The following AGTPBP1 variants were observed in gnomAD, a reference collection of about 807,000 sequenced individuals.
AGTPBP1 encodes cytosolic carboxypeptidase 1.
In AGTPBP1, 70 loss-of-function variants were observed where a neutral mutation model predicts 143.9. The observed-to-expected ratio is 0.49, with a 90% CI of 0.40 to 0.59. AGTPBP1 has a LOEUF of 0.59. AGTPBP1 is among the 20% of genes least tolerant of loss of function. The pLI, the probability that AGTPBP1 is intolerant of heterozygous loss-of-function variation, is 0.00. For synonymous variants in AGTPBP1, 463 were observed against 500.2 expected, an observed-to-expected ratio of 0.93 and a Z score of 0.99; for missense variants, 1,229 against 1,464.5, an observed-to-expected ratio of 0.84 and a Z score of 2.62.
chr9:85,619,090 T>C lies in AGTPBP1; in HGVS notation c.2228A>G (p.Asn743Ser), dbSNP rs374044446. The C allele has an allele frequency of 2.4e-5, 38 of 1,613,586 alleles. No individual in the cohort carries two copies. Among genetic ancestry groups the C allele is most frequent in the Admixed American group, 3.3e-5 (2 of 59,990 alleles). Residue 743 changes from asparagine (N) to serine (S), a missense_variant, in exon 17 of 26, where the codon AAT (asparagine) becomes AGT (serine). Around this residue, in one of 2 missense-constraint regions of AGTPBP1, gnomAD observed 486 missense variants for 652.3 expected, o/e 0.75. Transcript: ENST00000357081. ...AAAGTAAAACCACTGATGATAATGA[T>C]TGCTGTTTATGTCTGAGTTCAGAAT... ...DLILNSDINS[N>S]HYHQWFYFEV...
chr9:85,682,172 T>TTAAAA (rs1231973645), intron 3 of AGTPBP1, among the ~76,000 whole-genome samples: 2 of 85,826 alleles, frequency 2.3e-5, no homozygotes, highest in Non-Finnish European at 4.5e-5. Flanking sequence ...TAGGATTGGT[T>TTAAAA]AAAAAAAAAA....
At chr9:85,669,651 A>G (rs879658296) in intron 7 of AGTPBP1, 73 bp from the exon 8 acceptor site, 1 of 922,456 alleles carries the variant, frequency 1.1e-6, no homozygotes, top group African/African-American at 1.6e-5. Context: ...TTAGTGATAC[A>G]TAGGCAAAAA....
At chr9:85,577,507 G>T (rs1827972617) in intron 24 of AGTPBP1, among the ~76,000 whole-genome samples, 2 of 152,144 alleles carry the variant, frequency 1.3e-5, no homozygotes, top group Admixed American at 6.5e-5. Flanking sequence ...TGCTAAAGCT[G>T]CATTTTCTCT....
intron 2 of AGTPBP1, among the ~76,000 whole-genome samples, chr9:85,698,798 T>C (rs1836453582): frequency 6.9e-6 from 1 of 144,276 alleles, no homozygotes; most frequent in Non-Finnish European, 1.5e-5. Context: ...GTTCACGCCA[T>C]TCTCCTGCCT....
the AGTPBP1 span, among the ~76,000 whole-genome samples, chr9:85,773,056 G>A: frequency 1.3e-5 from 2 of 151,874 alleles, no homozygotes; most frequent in Non-Finnish European, 2.9e-5. Context: ...ACGAGGTCAG[G>A]AGATCGAGAC....
intron 15 of AGTPBP1, 91 bp downstream of exon 15, chr9:85,621,110 AT>A: frequency 3.0e-6 from 2 of 659,062 alleles, no homozygotes; most frequent in South Asian, 3.2e-5. Flanking sequence ...AACTACCAAC[AT>A]TTTTCACAGA....
intron 4 of AGTPBP1, among the ~76,000 whole-genome samples, chr9:85,679,568 C>T (rs1587885704): frequency 3.3e-5 from 5 of 152,110 alleles, no homozygotes; most frequent in Admixed American, 3.3e-4. Context: ...CCACCACATC[C>T]AACTAATTTT....
At chr9:85,682,506 A>T (rs1307552963) in intron 3 of AGTPBP1, among the ~76,000 whole-genome samples, 1 of 152,226 alleles carries the variant, frequency 6.6e-6, no homozygotes, top group Non-Finnish European at 1.5e-5. Flanking sequence ...GTCTTCCAGC[A>T]TTTAATGCAC....
At chr9:85,795,630 G>A in the AGTPBP1 span, among the ~76,000 whole-genome samples, 1 of 152,156 alleles carries the variant, frequency 6.6e-6, no homozygotes, top group Admixed American at 6.6e-5. Context: ...AATGACTCTG[G>A]TAAAAATATA....
chr9:85,592,575 C>T lies in AGTPBP1; in HGVS notation c.2553G>A (p.Thr851=), dbSNP rs775278372. Residue 851 remains threonine (T), a synonymous_variant, in exon 19 of 26, where the codon ACG becomes ACA. Coordinates refer to ENST00000357081, the MANE Select transcript of AGTPBP1 (RefSeq NM_001330701.2). Reference sequence around the variant, plus strand: ...GAGTTCTTACCTGTAAAGTTGAATACGTATATGGATAGTGATAAGCAAAGT... The same window carrying T: ...GAGTTCTTACCTGTAAAGTTGAATATGTATATGGATAGTGATAAGCAAAGT... ...VCYFAYHYPY[T]YSTLQMHLQK... The T allele has an allele frequency of 1.4e-5, 23 of 1,601,752 alleles. No individual in the cohort carries two copies. The highest frequency in any genetic ancestry group is 4.5e-5 in the East Asian group (2 of 44,358).
At chr9:85,703,518 T>C (rs1033607429) in intron 2 of AGTPBP1, among the ~76,000 whole-genome samples, 1 of 152,228 alleles carries the variant, frequency 6.6e-6, no homozygotes, top group Admixed American at 6.5e-5. Flanking sequence ...GTAGCCTGGA[T>C]GAAGAATGCT....
In AGTPBP1 at chr9:85,661,773, C is replaced by T. The variant is rs369334661; in HGVS notation, c.663-800G>A. ...TTAATCAGATACTGAAGAAATGGCA[C>T]TTAATTTCAATAATTTTTAAAATGT... On this transcript the variant is annotated intron_variant, in intron 8 of 25. Transcript: ENST00000357081. 1.1e-4 allele frequency among the ~76,000 whole-genome samples: 16 copies of T among 152,230 alleles called. No individual in the cohort carries two copies. In the East Asian group the frequency reaches 2.9e-3, roughly 28 times the overall value.
intron 11 of AGTPBP1, among the ~76,000 whole-genome samples, chr9:85,648,806 C>T (rs576263179): frequency 3.7e-4 from 56 of 151,580 alleles, no homozygotes; most frequent in African/African-American, 1.2e-3. Context: ...TGCGAGACTC[C>T]GTCTCAAAAA....
At chr9:85,699,823 TA>T (rs747966233) in intron 2 of AGTPBP1, among the ~76,000 whole-genome samples, 1 of 152,240 alleles carries the variant, frequency 6.6e-6, no homozygotes, top group Non-Finnish European at 1.5e-5. Context: ...TGGAATGGAT[TA>T]TTTTTTACCA....
intron 25 of AGTPBP1, among the ~76,000 whole-genome samples, chr9:85,548,100 T>C (rs982965176): frequency 4.6e-5 from 7 of 152,222 alleles, no homozygotes; most frequent in Non-Finnish European, 4.4e-5. Flanking sequence ...TAATTTCATA[T>C]AGATGTATGT....
chr9:85,682,632 C>G (rs1308212565), intron 3 of AGTPBP1, among the ~76,000 whole-genome samples: 1 of 152,168 alleles, frequency 6.6e-6, no homozygotes, highest in Admixed American at 6.5e-5. Flanking sequence ...ACTCTCAATA[C>G]AGTACATATT....
At chr9:85,710,266 C>A (rs559636206) in intron 2 of AGTPBP1, among the ~76,000 whole-genome samples, 59 of 151,456 alleles carry the variant, frequency 3.9e-4, no homozygotes, top group African/African-American at 1.3e-3. Context: ...TAGTACCAAG[C>A]TAGGTAAAAG....
intron 24 of AGTPBP1, among the ~76,000 whole-genome samples, chr9:85,575,933 A>G (rs1254236129): frequency 6.6e-6 from 1 of 152,206 alleles, no homozygotes; most frequent in East Asian, 1.9e-4. Context: ...CTGTATGATA[A>G]GAGAAATTGA....
At chr9:85,660,883 A>G in intron 9 of AGTPBP1, 53 bp downstream of exon 9, 1 of 1,285,618 alleles carries the variant, frequency 7.8e-7, no homozygotes, top group South Asian at 1.4e-5. Context: ...TAACATAATA[A>G]ATAGAATTCT....
Sources: allele counts gnomAD v4.1 joint callset (sites outside exome capture counted in the v4.1 genomes callset), GRCh38; gene constraint gnomAD v4.1.1; regional missense constraint gnomAD v4.1.1; transcripts MANE v1.5; gene names NCBI Gene and HGNC (gene_info 2026-07-23, HGNC 2026-07-21).